DPP8: variants seen among roughly 807,000 people sequenced by gnomAD.
DPP8 encodes the protein dipeptidyl peptidase 8.
In DPP8, 31 loss-of-function variants were observed where a neutral mutation model predicts 107.5. The ratio of observed to expected loss-of-function variants is 0.29; its 90% CI spans 0.22 to 0.39. The LOEUF (loss-of-function observed/expected upper bound fraction) is 0.39. Among genes scored for constraint, DPP8 ranks in the 10% least tolerant of loss-of-function variants. The pLI is 1.00. For synonymous variants in DPP8, 381 were observed against 356.6 expected, an observed-to-expected ratio of 1.07 and a Z score of -0.77; for missense variants, 842 against 1,076.1, an observed-to-expected ratio of 0.78 and a Z score of 3.04.
intron 7 of DPP8, among the ~76,000 whole-genome samples, chr15:65,485,674 T>C (rs2067351136): frequency 2.0e-5 from 3 of 152,002 alleles, no homozygotes; most frequent in Admixed American, 2.0e-4. Context: ...GAGTAACGTA[T>C]ATGCCAGGCA....
chr15:65,465,591 C>T (rs1475020302), intron 14 of DPP8, among the ~76,000 whole-genome samples: 2 of 137,532 alleles, frequency 1.5e-5, no homozygotes, highest in African/African-American at 2.8e-5. Flanking sequence ...TTTTTGACTC[C>T]GTCGCCCAGG....
In DPP8 at chr15:65,494,842, T is replaced by C. The variant is rs77981847; in HGVS notation, c.715+3022A>G. On this transcript the variant is annotated intron_variant, in intron 5 of 19. Transcript: ENST00000300141. ...TCCTTACTCCATCCCCTTTTCTCTATCCTATGCTCTAGATTTAGGCCATAT... is the reference window on the plus strand; with the variant it reads ...TCCTTACTCCATCCCCTTTTCTCTACCCTATGCTCTAGATTTAGGCCATAT... Among the ~76,000 whole-genome samples the C allele has an allele frequency of 3.0e-3, 462 of 152,196 alleles. 2 individuals are homozygous for C. Among genetic ancestry groups the C allele is most frequent in the African/African-American group, 0.011 (437 of 41,522 alleles).
Position 65,512,527 on chromosome 15 carries a change from C to G in DPP8, c.27G>C (p.Gln9His). 1 of 1,614,128 alleles carries G rather than the reference C, an allele frequency of 6.2e-7. No homozygotes were observed. Among genetic ancestry groups the G allele is most frequent in the South Asian group, 1.1e-5 (1 of 91,082 alleles). The change falls in exon 2 of 20, where the codon CAG (glutamine) becomes CAC (histidine). Residue 9 changes from glutamine (Q) to histidine (H), a missense_variant. Gln to His is a conservative substitution (Grantham distance 24). Transcript: ENST00000300141. MAAAMETEQLGVEIFETAD... is the reference protein window; with the variant it reads MAAAMETEHLGVEIFETAD... ...CAGTTTCAAATATCTCAACACCCAG[C>G]TGTTCTGTTTCCATTGCTGCTGCCA... is the stretch of plus-strand genomic sequence containing the variant.
At chr15:65,460,197 T>G (rs750518777) in intron 15 of DPP8, among the ~76,000 whole-genome samples, 9 of 151,936 alleles carry the variant, frequency 5.9e-5, no homozygotes, top group Non-Finnish European at 1.2e-4. Context: ...ATACCAGCAC[T>G]ATGGGAGGCT....
chr15:65,453,118 T>C (rs2064114539), intron 17 of DPP8, among the ~76,000 whole-genome samples: 1 of 152,242 alleles, frequency 6.6e-6, no homozygotes, highest in Non-Finnish European at 1.5e-5. Context: ...AGTATATTTT[T>C]CCAAGAGTTT....
intron 6 of DPP8, among the ~76,000 whole-genome samples, chr15:65,489,580 ATTTT>A (rs67109112): frequency 7.2e-5 from 9 of 125,508 alleles, no homozygotes; most frequent in African/African-American, 1.8e-4. Flanking sequence ...TGCCCAGCTA[ATTTT>A]TTTTTTTTTT....
chr15:65,487,701 T>A lies in DPP8; in HGVS notation c.944A>T (p.Tyr315Phe). The change falls in exon 7 of 20, where the codon TAT becomes TTT. Residue 315 changes from tyrosine (Y) to phenylalanine (F), a missense_variant. By Grantham distance (22) the Tyr-to-Phe change is conservative (BLOSUM62 3). Transcript: ENST00000300141. ...ATGGAGTACAGTACCTGTTTTAGGATAACGGAATGAATCTGCCCTCCTTGT... is the reference window on the plus strand; with the variant it reads ...ATGGAGTACAGTACCTGTTTTAGGAAAACGGAATGAATCTGCCCTCCTTGT... ...LETRRADSFR[Y>F]PKTGTANPKV... 1.2e-6 allele frequency: 2 copies of A among 1,608,746 alleles called. No homozygotes were observed. The highest frequency in any genetic ancestry group is 1.7e-6 in the Non-Finnish European group (2 of 1,177,920).
At chr15:65,449,077 G>T (rs761462020) in intron 19 of DPP8, among the ~76,000 whole-genome samples, 2 of 144,316 alleles carry the variant, frequency 1.4e-5, no homozygotes, top group Non-Finnish European at 3.0e-5. Flanking sequence ...GGGCATAGTG[G>T]TATGAGCCTG....
intron 5 of DPP8, 78 bp downstream of exon 5, chr15:65,497,786 T>C: frequency 2.6e-6 from 3 of 1,173,472 alleles, no homozygotes; most frequent in Middle Eastern, 4.2e-4. Flanking sequence ...CGTGGTAATC[T>C]AATTTCAAAA....
At chr15:65,464,886 G>A (rs1418848875) in intron 14 of DPP8, among the ~76,000 whole-genome samples, 1 of 152,148 alleles carries the variant, frequency 6.6e-6, no homozygotes, top group Non-Finnish European at 1.5e-5. Flanking sequence ...AGATAAAGCT[G>A]GGTGGGGGGG....
chr15:65,503,258 A>C (rs4776687), intron 3 of DPP8, among the ~76,000 whole-genome samples: 142,827 of 151,978 alleles, frequency 0.94, 67,115 homozygotes, highest in Admixed American at 0.96. Flanking sequence ...ATGCATGCAC[A>C]ACCATGCTCG....
At chr15:65,461,625 CAG>C (rs750963195) in intron 15 of DPP8, among the ~76,000 whole-genome samples, 4 of 148,222 alleles carry the variant, frequency 2.7e-5, no homozygotes, top group African/African-American at 9.9e-5. Context: ...TTTTTTGAGA[CAG>C]AGTCTCGCTG....
intron 12 of DPP8, among the ~76,000 whole-genome samples, chr15:65,467,629 C>T (rs1034798792): frequency 3.3e-5 from 5 of 152,200 alleles, no homozygotes; most frequent in African/African-American, 7.2e-5. Flanking sequence ...CCTCCTGCCT[C>T]AGCCTCCCGA....
chr15:65,500,893 T>G, intron 3 of DPP8, 114 bp from the exon 4 acceptor site: 1 of 855,254 alleles, frequency 1.2e-6, no homozygotes, highest in East Asian at 2.6e-5. Context: ...TTTTTTTTTT[T>G]TTGAGACAGA....
rs745687089 is a variant in DPP8, at chr15:65,467,030, T to A, written c.1689+41A>T. On this transcript the variant is annotated intron_variant, in intron 13 of 19. Coordinates refer to ENST00000300141, the MANE Select transcript of DPP8 (RefSeq NM_130434.5). Reference sequence around the variant, plus strand: ...AAAGGAGTATTACATAAGCAGAGAGTTTTAATATGACACAAAACCCTTTTT... The same window carrying A: ...AAAGGAGTATTACATAAGCAGAGAGATTTAATATGACACAAAACCCTTTTT... The A allele has an allele frequency of 2.5e-6, 4 of 1,607,108 alleles. No individual in the cohort carries two copies. In the South Asian group the frequency reaches 4.4e-5, roughly 18 times the overall value.
At chr15:65,478,345 G>A (rs537455968) in intron 11 of DPP8, among the ~76,000 whole-genome samples, 4 of 152,046 alleles carry the variant, frequency 2.6e-5, no homozygotes, top group South Asian at 2.1e-4. Context: ...TGCAATCTCC[G>A]CCTCCTGGGT....
At chr15:65,504,496 C>T (rs996980225) in intron 3 of DPP8, among the ~76,000 whole-genome samples, 11 of 151,582 alleles carry the variant, frequency 7.3e-5, no homozygotes, top group African/African-American at 2.7e-4. Context: ...ATGGTGAAAC[C>T]CTGTCTCTAC....
At chr15:65,464,120 T>C (rs2065139797) in intron 14 of DPP8, among the ~76,000 whole-genome samples, 1 of 152,056 alleles carries the variant, frequency 6.6e-6, no homozygotes, top group Admixed American at 6.6e-5. Flanking sequence ...TCCCAGCACT[T>C]TGGGAGGCCG....
intron 5 of DPP8, among the ~76,000 whole-genome samples, chr15:65,497,263 GTATT>G (rs760749106): frequency 2.0e-5 from 3 of 151,972 alleles, no homozygotes; most frequent in African/African-American, 7.2e-5. Context: ...TTTTAAAAAT[GTATT>G]TATTTATTTA....
Sources: allele counts gnomAD v4.1 joint callset (sites outside exome capture counted in the v4.1 genomes callset), GRCh38; gene constraint gnomAD v4.1.1; transcripts MANE v1.5; gene names NCBI Gene and HGNC (gene_info 2026-07-23, HGNC 2026-07-21).